Variants in LARP4B observed in about 807,000 individuals in gnomAD.
The protein encoded by LARP4B is La ribonucleoprotein 4B.
A neutral mutation model predicts 89.8 loss-of-function variants in LARP4B; 12 were observed. The ratio of observed to expected loss-of-function variants is 0.13; its 90% confidence interval spans 0.09 to 0.22. LARP4B has a LOEUF of 0.22. Ranked by LOEUF, LARP4B falls within the 10% of genes least tolerant of loss-of-function variation. The pLI, the probability that LARP4B is intolerant of heterozygous loss-of-function variation, is 1.00. For synonymous variants in LARP4B, 367 were observed against 363.3 expected (o/e 1.01, Z -0.12); for missense variants, 757 against 947.7 (o/e 0.80, Z 2.64).
chr10:925,126 T>C (rs1236178359), intron 1 of LARP4B, among the ~76,000 whole-genome samples: 1 of 152,224 alleles, frequency 6.6e-6, no homozygotes, highest in Non-Finnish European at 1.5e-5. Context: ...GTGACTGTTG[T>C]AGCAGACTAT....
chr10:839,683 C>T (rs892676776), intron 7 of LARP4B, among the ~76,000 whole-genome samples: 2 of 152,200 alleles, frequency 1.3e-5, no homozygotes, highest in African/African-American at 4.8e-5. Context: ...GAGCTCTCAT[C>T]CCTGCTGGTG....
chr10:918,999 T>G (rs1836905770), intron 1 of LARP4B, among the ~76,000 whole-genome samples: 1 of 152,052 alleles, frequency 6.6e-6, no homozygotes, highest in South Asian at 2.1e-4. Flanking sequence ...GAGAATGGCG[T>G]GAACCCGAGA....
chr10:827,044 G>C (rs543678381), intron 11 of LARP4B, among the ~76,000 whole-genome samples: 3 of 152,090 alleles, frequency 2.0e-5, no homozygotes, highest in Admixed American at 6.6e-5. Context: ...GGAGGCCAAG[G>C]GGGGGCGGAT....
chr10:939,778 A>C, the LARP4B span, among the ~76,000 whole-genome samples: 1 of 152,260 alleles, frequency 6.6e-6, no homozygotes, highest in Non-Finnish European at 1.5e-5. Flanking sequence ...ACCAGACTTC[A>C]TAAGCACCTG....
chr10:972,917 T>G, the LARP4B span: 1 of 454,196 alleles, frequency 2.2e-6, no homozygotes, highest in Admixed American at 2.4e-5. Context: ...CACATCGAGT[T>G]TTCTGGAGAC....
At chr10:883,753 AGTGAG>A (rs1208560263) in intron 3 of LARP4B, among the ~76,000 whole-genome samples, 4 of 151,536 alleles carry the variant, frequency 2.6e-5, no homozygotes, top group African/African-American at 9.7e-5. Context: ...TGGGCAACAC[AGTGAG>A]ACCTCGTCTC....
At chr10:888,904 G>A (rs1835938438) in intron 1 of LARP4B, among the ~76,000 whole-genome samples, 1 of 152,158 alleles carries the variant, frequency 6.6e-6, no homozygotes, top group Admixed American at 6.5e-5. Context: ...TGGACAACAT[G>A]GCGACACTCA....
At chr10:859,084 G>A (rs1034152670) in intron 5 of LARP4B, among the ~76,000 whole-genome samples, 2 of 152,118 alleles carry the variant, frequency 1.3e-5, no homozygotes, top group Non-Finnish European at 2.9e-5. Flanking sequence ...TTTGAGACCA[G>A]ACTGGCCAAC....
chr10:863,286 C>A (rs886643662), intron 5 of LARP4B, among the ~76,000 whole-genome samples: 1 of 151,406 alleles, frequency 6.6e-6, no homozygotes, highest in East Asian at 1.9e-4. Flanking sequence ...TGCAGTGGCA[C>A]GATCTCGGCT....
upstream of LARP4B, among the ~76,000 whole-genome samples, chr10:932,312 C>T (rs1194590165): frequency 6.7e-6 from 1 of 150,192 alleles, no homozygotes; most frequent in Non-Finnish European, 1.5e-5. Context: ...AACACCTCAC[C>T]CCACACCCGG....
chr10:870,366 A>C (rs1835139410), intron 3 of LARP4B, among the ~76,000 whole-genome samples: 1 of 152,210 alleles, frequency 6.6e-6, no homozygotes, highest in African/African-American at 2.4e-5. Context: ...TCTGTGAGTG[A>C]TAAAATGTGG....
At chr10:841,600 GA>G (rs1833524437) in intron 7 of LARP4B, among the ~76,000 whole-genome samples, 2 of 152,192 alleles carry the variant, frequency 1.3e-5, no homozygotes, top group Non-Finnish European at 2.9e-5. Flanking sequence ...GTCCGAAAAG[GA>G]ATAACTAAAC....
chr10:809,781 G>A lies in LARP4B; in HGVS notation c.*3145C>T, dbSNP rs886611344. On this transcript the variant is annotated 3_prime_UTR_variant, in exon 18 of 18. Transcript: ENST00000316157. ...ATTGTCTGCAGCCCTGTAGTGGGCCGCGAGGCACGCAAGCCGCAACTACAG... is the reference window on the plus strand; with the variant it reads ...ATTGTCTGCAGCCCTGTAGTGGGCCACGAGGCACGCAAGCCGCAACTACAG... 6 of 152,670 alleles carry A rather than the reference G, an allele frequency of 3.9e-5. No individual in the cohort carries two copies. The allele number at this position is 152,670 out of a possible 1,614,324, so 9.5% of individuals were successfully genotyped here. A position where few individuals can be genotyped will look rare whatever the true frequency, so the allele number is the denominator to read the frequency against.
At chr10:820,778 G>C in intron 14 of LARP4B, 22 bp downstream of exon 14, 1 of 1,595,046 alleles carries the variant, frequency 6.3e-7, no homozygotes, top group Non-Finnish European at 8.6e-7. Flanking sequence ...CTTGTGAAGA[G>C]GTATATGCTT....
intron 1 of LARP4B, among the ~76,000 whole-genome samples, chr10:923,393 C>G (rs1206752943): frequency 6.6e-6 from 1 of 151,872 alleles, no homozygotes; most frequent in Non-Finnish European, 1.5e-5. Context: ...CCTTTGCAAA[C>G]GTGATTTACT....
rs529963345 is a variant in LARP4B, at chr10:900,420, C to CTTTTTTTTTTTTTTTTT, written c.-39-14677_-39-14661dup. Among the ~76,000 whole-genome samples, 11 of 45,230 alleles carry CTTTTTTTTTTTTTTTTT rather than the reference C, an allele frequency of 2.4e-4. 5 individuals carry two copies. Among genetic ancestry groups the CTTTTTTTTTTTTTTTTT allele is most frequent in the African/African-American group, 4.3e-4 (5 of 11,554 alleles). The allele number at this position is 45,230 out of a possible 152,430, so 29.7% of individuals were successfully genotyped here. A position where few individuals can be genotyped will look rare whatever the true frequency, so the allele number is the denominator to read the frequency against. On this transcript the variant is annotated intron_variant, in intron 1 of 17. Coordinates refer to ENST00000316157, the MANE Select transcript of LARP4B (RefSeq NM_015155.3). The stretch of plus-strand genomic sequence containing the variant: ...ATTCTAGGATCGGAAAGAAGGATGT[C>CTTTTTTTTTTTTTTTTT]TTTTTTTTTTTTTTTTTTTTTTTTT...
At chr10:821,035 A>G in intron 13 of LARP4B, 190 bp from the exon 14 acceptor site, 2 of 589,026 alleles carry the variant, frequency 3.4e-6, no homozygotes, top group South Asian at 4.1e-5. Flanking sequence ...CAAAGTTGAC[A>G]GCAAGGGACT....
At chr10:862,396 G>A (rs574602298) in intron 5 of LARP4B, among the ~76,000 whole-genome samples, 1 of 152,120 alleles carries the variant, frequency 6.6e-6, no homozygotes, top group South Asian at 2.1e-4. Flanking sequence ...TCGAGGTCTG[G>A]CCTCTCCAGC....
chr10:938,677 T>G, the LARP4B span, among the ~76,000 whole-genome samples: 1 of 152,224 alleles, frequency 6.6e-6, no homozygotes, highest in Admixed American at 6.5e-5. Flanking sequence ...TAGTGAAATA[T>G]ACACACACAT....
Sources: allele counts gnomAD v4.1 joint callset (sites outside exome capture counted in the v4.1 genomes callset), GRCh38; gene constraint gnomAD v4.1.1; transcripts MANE v1.5; gene names NCBI Gene and HGNC (gene_info 2026-07-23, HGNC 2026-07-21).